NTRK2: variants seen among roughly 807,000 people sequenced by gnomAD.
NTRK2 encodes the protein BDNF/NT-3 growth factors receptor.
Under a neutral mutation model 94.5 loss-of-function variants are expected in NTRK2, and 13 were observed. The observed-to-expected ratio is 0.14, with a 90% CI of 0.09 to 0.22. The LOEUF (loss-of-function observed/expected upper bound fraction) is 0.22. Ranked by LOEUF, NTRK2 falls within the 10% of genes least tolerant of loss-of-function variation. The pLI, the probability that NTRK2 is intolerant of heterozygous loss-of-function variation, is 1.00. For synonymous variants in NTRK2, 372 were observed against 407.4 expected, an observed-to-expected ratio of 0.91 and a Z score of 1.05; for missense variants, 639 against 1,071.2, an observed-to-expected ratio of 0.60 and a Z score of 5.63.
chr9:84,695,251 G>A (rs34712720), intron 2 of NTRK2, among the ~76,000 whole-genome samples: 4,135 of 152,094 alleles, frequency 0.027, 75 homozygotes, highest in Admixed American at 0.047. Flanking sequence ...AGGTAATAAA[G>A]TCTAGGCTAA....
At chr9:84,928,503 T>G (rs1362774157) in intron 14 of NTRK2, among the ~76,000 whole-genome samples, 1 of 152,220 alleles carries the variant, frequency 6.6e-6, no homozygotes, top group Non-Finnish European at 1.5e-5. Flanking sequence ...AAATACCTGT[T>G]TTCACTTTAA....
At chr9:84,893,597 G>A (rs1247487686) in intron 14 of NTRK2, among the ~76,000 whole-genome samples, 2 of 152,186 alleles carry the variant, frequency 1.3e-5, no homozygotes, top group East Asian at 1.9e-4. Context: ...AGGCACTCAC[G>A]AACCCCAGAC....
intron 12 of NTRK2, among the ~76,000 whole-genome samples, chr9:84,854,108 A>G (rs1026922893): frequency 6.6e-6 from 1 of 152,074 alleles, no homozygotes; most frequent in Non-Finnish European, 1.5e-5. Flanking sequence ...AAAAGAAAAA[A>G]AAAAGAAACA....
chr9:84,793,263 C>G (rs1384851876), intron 12 of NTRK2, among the ~76,000 whole-genome samples: 1 of 149,544 alleles, frequency 6.7e-6, no homozygotes, highest in East Asian at 2.0e-4. Context: ...AACAGAGGTG[C>G]CTGTGACAAA....
intron 6 of NTRK2, among the ~76,000 whole-genome samples, chr9:84,719,698 T>G (rs2061935502): frequency 6.6e-6 from 1 of 151,420 alleles, no homozygotes. Context: ...CACCCCAGAG[T>G]CAGCAGATAA....
rs1336003825 is a variant in NTRK2, at chr9:84,877,483, G to T, written c.1633+10052G>T. ...CTGCTGGCTAATGGGCACTACATCT[G>T]TGTATTACTGTGATTCTCTCTGTAA... On this transcript the variant is annotated intron_variant, in intron 14 of 18. Transcript: ENST00000277120. 4.7e-6 allele frequency: 5 copies of T among 1,066,096 alleles called. No homozygotes were observed. In the East Asian group the frequency reaches 2.5e-4, roughly 53 times the overall value. 66.0% of individuals were successfully genotyped at this position (1,066,096 alleles called of 1,614,324 possible).
At chr9:84,749,571 ATTTTTTTGTAAATCTTAG>A (rs1318952335) in intron 11 of NTRK2, among the ~76,000 whole-genome samples, 1 of 151,910 alleles carries the variant, frequency 6.6e-6, no homozygotes, top group Non-Finnish European at 1.5e-5. Context: ...AGCTTACTTA[ATTTTTTTGTAAATCTTAG>A]TTTTTTCATC....
At chr9:85,007,793 A>G (rs976462242) in intron 17 of NTRK2, among the ~76,000 whole-genome samples, 19 of 152,340 alleles carry the variant, frequency 1.2e-4, no homozygotes, top group African/African-American at 4.1e-4. Flanking sequence ...CTTTATCCCT[A>G]CATTGGCTAA....
At chr9:84,741,415 A>T (rs2132297823) in intron 9 of NTRK2, among the ~76,000 whole-genome samples, 1 of 152,342 alleles carries the variant, frequency 6.6e-6, no homozygotes, top group Middle Eastern at 3.4e-3. Flanking sequence ...TGTGCTTTAG[A>T]TAGCATTATG....
rs1211018594 is a variant in NTRK2 at position 84,948,546 on chromosome 9, G to A, written c.1849G>A (p.Val617Ile). The stretch of plus-strand genomic sequence containing the variant: ...GACCAACCTCCAGCATGAGCACATC[G>A]TCAAGTTCTATGGCGTCTGCGTGGA... ...LLTNLQHEHI[V>I]KFYGVCVEGD... Residue 617 changes from valine to isoleucine, a missense_variant, in exon 16 of 19, where the codon GTC (valine) becomes ATC (isoleucine). Physicochemically the swap from Val to Ile is conservative, Grantham distance 29 (BLOSUM62 3). Coordinates refer to ENST00000277120, the MANE Select transcript of NTRK2 (RefSeq NM_006180.6). The A allele has an allele frequency of 3.1e-6, 5 of 1,613,934 alleles. No homozygotes were observed. Among genetic ancestry groups the A allele is most frequent in the Middle Eastern group, 1.6e-4 (1 of 6,084 alleles).
At chr9:84,926,169 C>CCTTGCTTTCTTT (rs2077790007) in intron 14 of NTRK2, among the ~76,000 whole-genome samples, 3 of 38,514 alleles carry the variant, frequency 7.8e-5, no homozygotes, top group African/African-American at 2.8e-4. Flanking sequence ...TTCCTTCCTT[C>CCTTGCTTTCTTT]CTTTCTTTCT....
chr9:84,846,508 T>C (rs2074482034), intron 12 of NTRK2, among the ~76,000 whole-genome samples: 1 of 152,240 alleles, frequency 6.6e-6, no homozygotes, highest in Non-Finnish European at 1.5e-5. Flanking sequence ...GGAAGGAGTG[T>C]TTTATTGCCA....
chr9:84,672,198 G>A (rs187623018), intron 2 of NTRK2, among the ~76,000 whole-genome samples: 1 of 152,188 alleles, frequency 6.6e-6, no homozygotes, highest in South Asian at 2.1e-4. Flanking sequence ...CCTAGTCTCT[G>A]TTGCCTGTTC....
intron 12 of NTRK2, chr9:84,815,770 C>A: frequency 5.0e-6 from 5 of 999,788 alleles, no homozygotes; most frequent in Non-Finnish European, 6.0e-6. Context: ...TGTGTGCTGT[C>A]ACCTGAGTGC....
intron 12 of NTRK2, among the ~76,000 whole-genome samples, chr9:84,816,799 A>G (rs2072446809): frequency 7.4e-6 from 1 of 136,034 alleles, no homozygotes; most frequent in Non-Finnish European, 1.6e-5. Flanking sequence ...AAAAAAAAAA[A>G]GAAAAGAAAA....
chr9:84,974,390 G>C (rs1290355642), intron 17 of NTRK2, among the ~76,000 whole-genome samples: 2 of 152,178 alleles, frequency 1.3e-5, no homozygotes, highest in African/African-American at 4.8e-5. Flanking sequence ...CTACTTGGTG[G>C]TGTGCAAAGT....
chr9:84,997,851 C>T (rs561716274), intron 17 of NTRK2, among the ~76,000 whole-genome samples: 5 of 152,306 alleles, frequency 3.3e-5, no homozygotes, highest in African/African-American at 7.2e-5. Context: ...TTAACCCCCT[C>T]GCTGTGGCAG....
chr9:84,814,660 G>A, intron 12 of NTRK2: 8 of 1,065,284 alleles, frequency 7.5e-6, no homozygotes, highest in Non-Finnish European at 9.1e-6. Flanking sequence ...TTCTCTCTTG[G>A]TTTGAATCTG....
intron 17 of NTRK2, among the ~76,000 whole-genome samples, chr9:85,005,421 A>G (rs1204211227): frequency 6.6e-6 from 1 of 152,162 alleles, no homozygotes; most frequent in Non-Finnish European, 1.5e-5. Flanking sequence ...TCGTTTCCCT[A>G]CTTAGTAAAC....
Sources: allele counts gnomAD v4.1 joint callset (sites outside exome capture counted in the v4.1 genomes callset), GRCh38; gene constraint gnomAD v4.1.1; transcripts MANE v1.5; gene names NCBI Gene and HGNC (gene_info 2026-07-23, HGNC 2026-07-21).